Variants in SPTLC1 observed in about 807,000 individuals in gnomAD.
SPTLC1 encodes serine palmitoyltransferase long chain base subunit 1, also known as serine palmitoyltransferase 1.
A neutral mutation model predicts 68.9 loss-of-function variants in SPTLC1; 55 were observed. The ratio of observed to expected loss-of-function variants is 0.80; its 90% CI spans 0.64 to 1.00. The LOEUF is 1.00. SPTLC1 is among the 50% of genes least tolerant of loss of function. SPTLC1 has a pLI of 0.00. For missense variants in SPTLC1, 449 were observed against 573.1 expected, an observed-to-expected ratio of 0.78 and a Z score of 2.21; for synonymous variants, 197 against 201.6, an observed-to-expected ratio of 0.98 and a Z score of 0.19.
chr9:92,108,805 T>C lies in SPTLC1; in HGVS notation c.195A>G (p.Gln65=), dbSNP rs757474338. ...KEKEELIEEW[Q]PEPLVPPVPK... ...GGACAGGAGGAACAAGAGGTTCTGG[T>C]TGCCACTCTTCAATCAGTTCTTCTT... The change falls in exon 3 of 15, where the codon CAA becomes CAG. Residue 65 remains glutamine (Q), a synonymous_variant. Coordinates refer to ENST00000262554, the MANE Select transcript of SPTLC1 (RefSeq NM_006415.4). The C allele has an allele frequency of 2.5e-6, 4 of 1,603,724 alleles. No individual in the cohort carries two copies. The highest frequency in any genetic ancestry group is 1.3e-5 in the African/African-American group (1 of 74,588).
At chr9:92,104,520 T>C in intron 3 of SPTLC1, 7 of 1,418,852 alleles carry the variant, frequency 4.9e-6, no homozygotes, top group South Asian at 1.2e-5. Context: ...AAACCCGTGC[T>C]GTCTGCTCGC....
At chr9:92,109,097 T>C in intron 2 of SPTLC1, 1 of 356,322 alleles carries the variant, frequency 2.8e-6, no homozygotes, top group Non-Finnish European at 5.5e-6. Flanking sequence ...CCTAATAACA[T>C]CTGGCCTAAC....
At chr9:92,113,882 T>C (rs1836333249) in intron 1 of SPTLC1, among the ~76,000 whole-genome samples, 1 of 152,226 alleles carries the variant, frequency 6.6e-6, no homozygotes, top group African/African-American at 2.4e-5. Context: ...CACAGGGACT[T>C]CTGCCTATTT....
chr9:92,110,330 TTC>T (rs1836181771), intron 2 of SPTLC1: 1 of 152,192 alleles, frequency 6.6e-6, no homozygotes, highest in Non-Finnish European at 1.5e-5. Context: ...CTCCATAAAA[TTC>T]TTTCTAGTAG....
chr9:92,099,343 T>C (rs1295337197), intron 3 of SPTLC1, among the ~76,000 whole-genome samples: 6 of 152,186 alleles, frequency 3.9e-5, no homozygotes, highest in Non-Finnish European at 8.8e-5. Flanking sequence ...AGTGTAGATG[T>C]GTTTTCAGAG....
At chr9:92,092,384 GA>G (rs201205030) in intron 3 of SPTLC1, among the ~76,000 whole-genome samples, 2,041 of 151,552 alleles carry the variant, frequency 0.013, 41 homozygotes, top group African/African-American at 0.047. Context: ...TTTAGTCAAA[GA>G]AAAAAAAGAA....
intron 3 of SPTLC1, among the ~76,000 whole-genome samples, chr9:92,086,338 G>A (rs1011871289): frequency 1.3e-5 from 2 of 152,128 alleles, no homozygotes; most frequent in East Asian, 1.9e-4. Flanking sequence ...TTCCTAGTCT[G>A]GATGGTCTTT....
chr9:92,104,742 A>G (rs576236933), intron 3 of SPTLC1: 30 of 1,533,008 alleles, frequency 2.0e-5, no homozygotes, highest in Non-Finnish European at 2.4e-5. Context: ...CCCTGTAGCA[A>G]TGGGGAAGCA....
intron 3 of SPTLC1, among the ~76,000 whole-genome samples, chr9:92,092,570 AAAT>A (rs1196312272): frequency 1.3e-5 from 2 of 152,062 alleles, no homozygotes; most frequent in South Asian, 2.1e-4. Flanking sequence ...CTCTATTAAA[AAAT>A]AATAATAATA....
intron 5 of SPTLC1, among the ~76,000 whole-genome samples, chr9:92,072,229 G>A (rs774069515): frequency 1.8e-4 from 27 of 152,214 alleles, no homozygotes; most frequent in Admixed American, 7.2e-4. Flanking sequence ...CTCGACCTCA[G>A]GACCTCAGAC....
intron 7 of SPTLC1, among the ~76,000 whole-genome samples, chr9:92,056,565 T>A (rs1194080338): frequency 6.6e-6 from 1 of 152,080 alleles, no homozygotes; most frequent in Non-Finnish European, 1.5e-5. Flanking sequence ...CACACTCTGC[T>A]CAGAGCAAGT....
At position 92,099,244 on chromosome 9, in the gene SPTLC1, A is replaced by C. The variant is rs1268907867; in HGVS notation, c.260+9496T>G. Among the ~76,000 whole-genome samples, 13 of 152,336 alleles carry C rather than the reference A, an allele frequency of 8.5e-5. No individual in the cohort carries two copies. In the South Asian group the frequency reaches 2.7e-3, roughly 32 times the overall value. On this transcript the variant is annotated intron_variant, in intron 3 of 14. Transcript: ENST00000262554. Reference sequence around the variant, plus strand: ...ATCGGCACCACAGCCCAAGGTCTGCACCAGGCTGCTGCACTTGCTGGAGGA... The same window carrying C: ...ATCGGCACCACAGCCCAAGGTCTGCCCCAGGCTGCTGCACTTGCTGGAGGA...
At chr9:92,065,394 C>A (rs562032444) in intron 6 of SPTLC1, among the ~76,000 whole-genome samples, 1 of 152,260 alleles carries the variant, frequency 6.6e-6, no homozygotes, top group African/African-American at 2.4e-5. Flanking sequence ...TACATTCAAA[C>A]ACATTTCAGG....
chr9:92,066,482 G>GAGC (rs756956739), intron 6 of SPTLC1, among the ~76,000 whole-genome samples: 3 of 152,152 alleles, frequency 2.0e-5, no homozygotes, highest in African/African-American at 7.2e-5. Flanking sequence ...TAGTCAGAAA[G>GAGC]AGCATGTGCG....
chr9:92,064,687 C>T (rs1272122244), intron 6 of SPTLC1, among the ~76,000 whole-genome samples: 1 of 152,092 alleles, frequency 6.6e-6, no homozygotes, highest in Non-Finnish European at 1.5e-5. Context: ...TTTATAACAG[C>T]ACAAAGCTGG....
intron 3 of SPTLC1, among the ~76,000 whole-genome samples, chr9:92,090,309 G>C (rs1027151675): frequency 1.3e-5 from 2 of 152,134 alleles, no homozygotes; most frequent in African/African-American, 4.8e-5. Context: ...GTAAGGAAGA[G>C]AGGAAGATTA....
chr9:92,072,952 T>TC (rs1209857005), intron 5 of SPTLC1, among the ~76,000 whole-genome samples: 6 of 150,834 alleles, frequency 4.0e-5, no homozygotes, highest in Non-Finnish European at 7.4e-5. Flanking sequence ...TCAATCTTTC[T>TC]CCCCCCAACC....
chr9:92,108,540 C>T (rs1836091691), intron 3 of SPTLC1, 200 bp downstream of exon 3: 1 of 639,154 alleles, frequency 1.6e-6, no homozygotes, highest in Non-Finnish European at 2.6e-6. Context: ...AACATTAATG[C>T]TTAAATTGGA....
At chr9:92,074,241 C>A (rs1301568262) in intron 5 of SPTLC1, among the ~76,000 whole-genome samples, 1 of 152,074 alleles carries the variant, frequency 6.6e-6, no homozygotes, top group African/African-American at 2.4e-5. Flanking sequence ...GTTTCCCTTG[C>A]CCCCACAACT....
Sources: allele counts gnomAD v4.1 joint callset (sites outside exome capture counted in the v4.1 genomes callset), GRCh38; gene constraint gnomAD v4.1.1; transcripts MANE v1.5; gene names NCBI Gene and HGNC (gene_info 2026-07-23, HGNC 2026-07-21).